STUM: variants seen among roughly 807,000 people sequenced by gnomAD.
STUM encodes the protein protein stum homolog.
Under a neutral mutation model 15.3 loss-of-function variants are expected in STUM, and 8 were observed. The observed-to-expected ratio is 0.52, with a 90% confidence interval of 0.31 to 0.94. STUM has a LOEUF of 0.94. Among genes scored for constraint, STUM ranks in the 40% least tolerant of loss-of-function variants. The probability of loss-of-function intolerance (pLI) is 0.05; values close to 1 mark genes in which losing one functional copy is unlikely to be tolerated. For missense variants in STUM, 142 were observed against 204.9 expected, an observed-to-expected ratio of 0.69 and a Z score of 1.87; for synonymous variants, 78 against 88.7, an observed-to-expected ratio of 0.88 and a Z score of 0.68.
rs771782149 is a variant in STUM at position 226,602,086 on chromosome 1, T to C, written c.*46T>C. 3.2e-5 allele frequency: 49 copies of C among 1,538,568 alleles called. No individual in the cohort carries two copies. Among genetic ancestry groups the C allele is most frequent in the Non-Finnish European group, 8.9e-7 (1 of 1,124,058 alleles). The stretch of plus-strand genomic sequence containing the variant: ...AGATCCAGGGGGGCCCTGTGAGGGC[T>C]GCACCAGGCAGCTTTGGGCACAAGG... On this transcript the variant is annotated 3_prime_UTR_variant, in exon 4 of 4. Coordinates refer to ENST00000366788, the MANE Select transcript of STUM (RefSeq NM_001003665.4).
intron 1 of STUM, among the ~76,000 whole-genome samples, chr1:226,580,261 G>T (rs1228976898): frequency 6.6e-6 from 1 of 152,164 alleles, no homozygotes; most frequent in East Asian, 1.9e-4. Context: ...CTTAGTGCAG[G>T]GACAGGTCAG....
Position 226,602,496 on chromosome 1 carries a change from G to A in STUM, c.*456G>A, listed in dbSNP as rs12086463. ...CACCTGCCTCAAAATCTGGTGCCCC[G>A]AGTGTTTACTGTGTGGTCTCCTGGG... On this transcript the variant is annotated 3_prime_UTR_variant, in exon 4 of 4. Transcript: ENST00000366788. 38,321 of 168,366 alleles carry A rather than the reference G, an allele frequency of 0.23. 5,328 individuals are homozygous for A. The highest frequency in any genetic ancestry group is 0.39 in the African/African-American group (16,443 of 42,008). 10.4% of individuals were successfully genotyped at this position (168,366 alleles called of 1,614,324 possible). A position where few individuals can be genotyped will look rare whatever the true frequency, so the allele number is the denominator to read the frequency against.
chr1:226,574,710 A>G (rs1667775777), intron 1 of STUM, among the ~76,000 whole-genome samples: 2 of 152,348 alleles, frequency 1.3e-5, no homozygotes, highest in South Asian at 4.1e-4. Flanking sequence ...ACGGGTGACC[A>G]GGCCTGTGAG....
chr1:226,551,234 A>T (rs981289288), intron 1 of STUM, among the ~76,000 whole-genome samples: 1 of 152,116 alleles, frequency 6.6e-6, no homozygotes, highest in African/African-American at 2.4e-5. Context: ...AGAGGATGAA[A>T]CGTGATTACA....
intron 1 of STUM, among the ~76,000 whole-genome samples, chr1:226,580,717 A>G (rs1056380869): frequency 1.3e-5 from 2 of 152,098 alleles, no homozygotes; most frequent in Non-Finnish European, 2.9e-5. Context: ...CACAGCCTTT[A>G]TCACATTGAC....
intron 1 of STUM, among the ~76,000 whole-genome samples, chr1:226,571,551 A>AT (rs201122764): frequency 4.0e-5 from 6 of 149,848 alleles, no homozygotes; most frequent in Admixed American, 2.0e-4. Flanking sequence ...TAAGATGCAA[A>AT]TTTTTTTTTT....
At chr1:226,551,542 C>T (rs1195920981) in intron 1 of STUM, among the ~76,000 whole-genome samples, 1 of 152,266 alleles carries the variant, frequency 6.6e-6, no homozygotes, top group African/African-American at 2.4e-5. Flanking sequence ...AAATCTGCCA[C>T]TTGGCCCAGA....
At chr1:226,550,206 G>T (rs1667349570) in intron 1 of STUM, among the ~76,000 whole-genome samples, 1 of 152,180 alleles carries the variant, frequency 6.6e-6, no homozygotes, top group Non-Finnish European at 1.5e-5. Flanking sequence ...CTTTCTCACG[G>T]TCTCCTCGCT....
chr1:226,581,646 A>G (rs576262364), intron 1 of STUM, among the ~76,000 whole-genome samples: 5 of 152,202 alleles, frequency 3.3e-5, no homozygotes, highest in East Asian at 1.9e-4. Flanking sequence ...GCAGGAGTAC[A>G]CACAGAGATG....
intron 1 of STUM, among the ~76,000 whole-genome samples, chr1:226,581,847 G>A (rs1667923754): frequency 6.6e-6 from 1 of 152,232 alleles, no homozygotes; most frequent in East Asian, 1.9e-4. Flanking sequence ...TCACTGAGAT[G>A]CTCTCATCCT....
intron 1 of STUM, among the ~76,000 whole-genome samples, chr1:226,572,684 C>T (rs765778062): frequency 3.3e-5 from 5 of 152,312 alleles, no homozygotes; most frequent in Non-Finnish European, 7.3e-5. Context: ...GGCTGCTCTG[C>T]CCCAGGGAAA....
intron 1 of STUM, among the ~76,000 whole-genome samples, chr1:226,560,965 G>A (rs768028184): frequency 1.3e-5 from 2 of 152,124 alleles, no homozygotes; most frequent in African/African-American, 4.8e-5. Flanking sequence ...TTATTTGGGA[G>A]CATTGTTGCT....
At chr1:226,577,133 G>A (rs1487439879) in intron 1 of STUM, among the ~76,000 whole-genome samples, 1 of 152,188 alleles carries the variant, frequency 6.6e-6, no homozygotes, top group Non-Finnish European at 1.5e-5. Context: ...ACACAGGTAG[G>A]AAGTGGCAGA....
At chr1:226,577,852 C>A (rs1267851883) in intron 1 of STUM, among the ~76,000 whole-genome samples, 1 of 152,116 alleles carries the variant, frequency 6.6e-6, no homozygotes, top group Non-Finnish European at 1.5e-5. Flanking sequence ...AGAGGCTGCA[C>A]AGAGGAGACA....
intron 1 of STUM, among the ~76,000 whole-genome samples, chr1:226,586,203 C>G (rs149578338): frequency 6.6e-6 from 1 of 152,208 alleles, no homozygotes; most frequent in African/African-American, 2.4e-5. Context: ...TTCTCCCACA[C>G]GCCCAGTGTG....
chr1:226,571,870 C>A (rs1667717204), intron 1 of STUM, among the ~76,000 whole-genome samples: 1 of 152,146 alleles, frequency 6.6e-6, no homozygotes, highest in Non-Finnish European at 1.5e-5. Flanking sequence ...GAACTCCTGA[C>A]CTCAGGTGAT....
chr1:226,564,672 C>T (rs373320097), intron 1 of STUM, among the ~76,000 whole-genome samples: 2 of 152,210 alleles, frequency 1.3e-5, no homozygotes, highest in African/African-American at 4.8e-5. Flanking sequence ...GTGACTTCCT[C>T]TAGTGGAGGG....
chr1:226,594,090 G>T (rs572428556), intron 1 of STUM, among the ~76,000 whole-genome samples: 1 of 152,192 alleles, frequency 6.6e-6, no homozygotes, highest in Non-Finnish European at 1.5e-5. Flanking sequence ...GTTACGATGA[G>T]GAGGAGGAAA....
chr1:226,594,404 G>A (rs1271717812), intron 1 of STUM, among the ~76,000 whole-genome samples: 4 of 152,198 alleles, frequency 2.6e-5, no homozygotes, highest in Non-Finnish European at 5.9e-5. Flanking sequence ...TGAGAGAATC[G>A]AACGTGAGGA....
Sources: allele counts gnomAD v4.1 joint callset (sites outside exome capture counted in the v4.1 genomes callset), GRCh38; gene constraint gnomAD v4.1.1; transcripts MANE v1.5; gene names NCBI Gene and HGNC (gene_info 2026-07-23, HGNC 2026-07-21).